FAM117B: variants seen among roughly 807,000 people sequenced by gnomAD.
The protein encoded by FAM117B is protein FAM117B.
A neutral mutation model predicts 52.8 loss-of-function variants in FAM117B; 22 were observed. That is an observed-to-expected ratio of 0.42 (90% CI 0.30 to 0.59). The LOEUF (loss-of-function observed/expected upper bound fraction) is 0.59, where lower values mean the gene tolerates loss of function less well. Ranked by LOEUF, FAM117B falls within the 20% of genes least tolerant of loss-of-function variation. FAM117B has a pLI of 0.22. For synonymous variants in FAM117B, 309 were observed against 324.1 expected (o/e 0.95, Z 0.50); for missense variants, 678 against 802.6 (o/e 0.84, Z 1.88).
chr2:202,655,744 G>C lies in FAM117B; in HGVS notation c.601+19956G>C, dbSNP rs1005515531. Among the ~76,000 whole-genome samples the C allele has an allele frequency of 1.1e-4, 17 of 150,538 alleles. 1 individual carries two copies. The highest frequency in any genetic ancestry group is 5.3e-4 in the Admixed American group (8 of 15,066). On this transcript the variant is annotated intron_variant, in intron 1 of 7. Transcript: ENST00000392238. The stretch of plus-strand genomic sequence containing the variant: ...AGAGAGAGAGAGAGAGAGAGAGAGA[G>C]AGAGAGAGAGAGAGAGAGTGTGTGT...
intron 4 of FAM117B, among the ~76,000 whole-genome samples, chr2:202,734,385 G>C (rs1440724357): frequency 6.6e-6 from 1 of 152,108 alleles, no homozygotes; most frequent in Non-Finnish European, 1.5e-5. Context: ...AAAACCCATA[G>C]TTGTACAATT....
chr2:202,740,747 A>C (rs1322890699), intron 4 of FAM117B, among the ~76,000 whole-genome samples: 1 of 152,152 alleles, frequency 6.6e-6, no homozygotes, highest in African/African-American at 2.4e-5. Flanking sequence ...GAAGTTGTAC[A>C]TGGAAGTCAT....
intron 4 of FAM117B, among the ~76,000 whole-genome samples, chr2:202,743,109 A>G (rs975251749): frequency 6.6e-6 from 1 of 152,146 alleles, no homozygotes. Context: ...AGACCCACCA[A>G]TACTGGTGCT....
At chr2:202,703,228 T>A (rs1690821171) in intron 2 of FAM117B, among the ~76,000 whole-genome samples, 1 of 152,218 alleles carries the variant, frequency 6.6e-6, no homozygotes, top group South Asian at 2.1e-4. Context: ...TATCTCACTT[T>A]CTGTTTCCAT....
intron 1 of FAM117B, among the ~76,000 whole-genome samples, chr2:202,667,432 A>G (rs1444568271): frequency 6.6e-6 from 1 of 152,092 alleles, no homozygotes; most frequent in East Asian, 1.9e-4. Flanking sequence ...GCTTAAAGAA[A>G]AAAAGCTTTG....
chr2:202,717,652 C>G (rs976399974), intron 2 of FAM117B, among the ~76,000 whole-genome samples: 3 of 152,172 alleles, frequency 2.0e-5, no homozygotes, highest in Admixed American at 1.3e-4. Flanking sequence ...GTTTCTTTCT[C>G]CCAAACAGAG....
intron 4 of FAM117B, among the ~76,000 whole-genome samples, chr2:202,741,250 T>C (rs1423204065): frequency 2.0e-5 from 3 of 151,640 alleles, no homozygotes; most frequent in African/African-American, 4.8e-5. Flanking sequence ...TGAAACGCCA[T>C]CTCTACTAAA....
At chr2:202,722,037 G>C (rs1034422795) in intron 2 of FAM117B, among the ~76,000 whole-genome samples, 1 of 141,848 alleles carries the variant, frequency 7.0e-6, no homozygotes, top group Non-Finnish European at 1.5e-5. Flanking sequence ...TGGAGATGGA[G>C]CCTCTCACTG....
intron 1 of FAM117B, among the ~76,000 whole-genome samples, chr2:202,676,282 G>T (rs1249679485): frequency 1.3e-5 from 2 of 151,870 alleles, no homozygotes; most frequent in Non-Finnish European, 2.9e-5. Context: ...TACCTTGGTT[G>T]TATCTCTGTG....
intron 1 of FAM117B, among the ~76,000 whole-genome samples, chr2:202,690,315 A>C (rs984412337): frequency 6.6e-6 from 1 of 152,250 alleles, no homozygotes; most frequent in African/African-American, 2.4e-5. Context: ...TAACATTGGA[A>C]GTCATTCTTT....
intron 4 of FAM117B, among the ~76,000 whole-genome samples, chr2:202,730,835 G>A (rs372520966): frequency 4.6e-5 from 7 of 152,256 alleles, no homozygotes; most frequent in South Asian, 2.1e-4. Context: ...GTGACATTGC[G>A]TTAGGCAATG....
intron 1 of FAM117B, among the ~76,000 whole-genome samples, chr2:202,686,559 C>T (rs1365622326): frequency 6.6e-6 from 1 of 152,184 alleles, no homozygotes; most frequent in Non-Finnish European, 1.5e-5. Context: ...TGCCTGTGAT[C>T]CCAGCACTTT....
At chr2:202,722,377 A>G (rs1197718524) in intron 2 of FAM117B, among the ~76,000 whole-genome samples, 1 of 152,168 alleles carries the variant, frequency 6.6e-6, no homozygotes, top group Non-Finnish European at 1.5e-5. Context: ...TGAACCACGC[A>G]TACTATGCTG....
chr2:202,642,997 T>C (rs951752919), intron 1 of FAM117B, among the ~76,000 whole-genome samples: 1 of 152,194 alleles, frequency 6.6e-6, no homozygotes, highest in African/African-American at 2.4e-5. Flanking sequence ...TGTCGTGAAG[T>C]AGGCTGAGCC....
chr2:202,701,285 C>T (rs1050852631), intron 2 of FAM117B, among the ~76,000 whole-genome samples: 1 of 152,136 alleles, frequency 6.6e-6, no homozygotes, highest in Non-Finnish European at 1.5e-5. Context: ...ATATTTTAAG[C>T]CCACCATTGA....
In FAM117B at chr2:202,683,586, A is replaced by T. The variant is rs572618733; in HGVS notation, c.602-12295A>T. 1.2e-4 allele frequency among the ~76,000 whole-genome samples: 18 copies of T among 152,340 alleles called. 1 individual carries two copies. Among genetic ancestry groups the T allele is most frequent in the South Asian group, 8.3e-4 (4 of 4,828 alleles). ...CAAGATGAAATGGACAAATTCCTTA[A>T]AAGAGACAAACTAGCAAAACTGACT... On this transcript the variant is annotated intron_variant, in intron 1 of 7. Transcript: ENST00000392238.
intron 4 of FAM117B, among the ~76,000 whole-genome samples, chr2:202,753,874 C>T (rs566775070): frequency 2.0e-4 from 30 of 151,970 alleles, no homozygotes; most frequent in African/African-American, 7.0e-4. Flanking sequence ...AGTCAGAAAA[C>T]AATAGATGCT....
intron 4 of FAM117B, among the ~76,000 whole-genome samples, chr2:202,742,682 AT>A (rs970806161): frequency 6.6e-6 from 1 of 152,226 alleles, no homozygotes; most frequent in Non-Finnish European, 1.5e-5. Flanking sequence ...TTATATAAAC[AT>A]TTTTGTATGG....
At chr2:202,741,345 G>A (rs1043887266) in intron 4 of FAM117B, among the ~76,000 whole-genome samples, 1 of 139,284 alleles carries the variant, frequency 7.2e-6, no homozygotes, top group Non-Finnish European at 1.5e-5. Context: ...ACTGAACCCG[G>A]GAGGTGGAGG....
Sources: gnomAD v4.1 joint callset for allele counts (sites outside exome capture counted in the v4.1 genomes callset) on GRCh38, gnomAD v4.1.1 for gene constraint, MANE v1.5 for transcripts, NCBI Gene and HGNC (gene_info 2026-07-23, HGNC 2026-07-21) for gene names.